The following USP24 variants were observed in gnomAD, a reference collection of about 807,000 sequenced individuals.
The protein encoded by USP24 is ubiquitin carboxyl-terminal hydrolase 24.
A neutral mutation model predicts 361.6 loss-of-function variants in USP24; 97 were observed. That is an observed-to-expected ratio of 0.27 (90% CI 0.23 to 0.32). The LOEUF (loss-of-function observed/expected upper bound fraction) is 0.32, where lower values mean the gene tolerates loss of function less well. Among genes scored for constraint, USP24 ranks in the 10% least tolerant of loss-of-function variants. USP24 has a pLI of 1.00. For synonymous variants in USP24, 1,098 were observed against 1,124.6 expected (o/e 0.98, Z 0.47); for missense variants, 2,353 against 3,165.6 (o/e 0.74, Z 6.16).
At chr1:55,073,629 A>G (rs1644964090) in intron 64 of USP24, among the ~76,000 whole-genome samples, 199 bp downstream of exon 64, 1 of 152,190 alleles carries the variant, frequency 6.6e-6, no homozygotes, top group Admixed American at 6.5e-5. Context: ...GGGATTCTAT[A>G]AAGATCTGTC....
In USP24 at chr1:55,081,311, G is replaced by T. The variant is rs767838183; in HGVS notation, c.7078+11C>A. ...TCAGTATCTCTTCATTCTAAGATAT[G>T]TTAAGCTTACCAACATTCCTTTGGG... On this transcript the variant is annotated intron_variant, in intron 59 of 67. Coordinates refer to ENST00000294383, the MANE Select transcript of USP24 (RefSeq NM_015306.3). 2 of 1,611,870 alleles carry T rather than the reference G, an allele frequency of 1.2e-6. No homozygotes were observed. The highest frequency in any genetic ancestry group is 1.1e-5 in the South Asian group (1 of 90,988).
At chr1:55,183,925 A>C (rs1439628793) in intron 1 of USP24, among the ~76,000 whole-genome samples, 1 of 152,226 alleles carries the variant, frequency 6.6e-6, no homozygotes, top group Non-Finnish European at 1.5e-5. Flanking sequence ...CAGGAAGATA[A>C]AATGATGAAA....
intron 56 of USP24, among the ~76,000 whole-genome samples, chr1:55,085,009 A>G (rs888904150): frequency 1.3e-5 from 2 of 152,194 alleles, no homozygotes; most frequent in Non-Finnish European, 2.9e-5. Flanking sequence ...AAACTTCCAC[A>G]GGGAATGGAG....
chr1:55,134,995 T>C (rs1234627452), intron 28 of USP24, among the ~76,000 whole-genome samples: 3 of 152,178 alleles, frequency 2.0e-5, no homozygotes, highest in Admixed American at 6.5e-5. Flanking sequence ...ACAACGTATT[T>C]ACAAGTGGGA....
At chr1:55,158,173 G>A (rs1647888969) in intron 10 of USP24, among the ~76,000 whole-genome samples, 1 of 152,218 alleles carries the variant, frequency 6.6e-6, no homozygotes, top group African/African-American at 2.4e-5. Context: ...TCCTGACAGT[G>A]GTCAGCTTGC....
chr1:55,182,208 C>A (rs991740990), intron 1 of USP24, among the ~76,000 whole-genome samples: 1 of 152,112 alleles, frequency 6.6e-6, no homozygotes, highest in Admixed American at 6.5e-5. Flanking sequence ...TGTGCCACCA[C>A]GCCCGGCTAA....
chr1:55,170,103 T>A (rs1046031172), intron 5 of USP24, among the ~76,000 whole-genome samples: 1 of 152,178 alleles, frequency 6.6e-6, no homozygotes, highest in East Asian at 1.9e-4. Flanking sequence ...TACAGAGGGA[T>A]ATGATATTAA....
At chr1:55,071,122 TA>T (rs536274762) in intron 67 of USP24, 60 of 974,300 alleles carry the variant, frequency 6.2e-5, no homozygotes, top group Middle Eastern at 5.3e-4. Flanking sequence ...AGATAACACT[TA>T]AAAAAAAATG....
At chr1:55,116,373 C>T (rs1646116211) in intron 38 of USP24, among the ~76,000 whole-genome samples, 1 of 149,492 alleles carries the variant, frequency 6.7e-6, no homozygotes, top group South Asian at 2.1e-4. Context: ...TCAATGAAAC[C>T]AAAAGTTGCC....
chr1:55,124,652 G>A (rs762163010), intron 34 of USP24, 24 bp from the exon 35 acceptor site: 4 of 1,612,236 alleles, frequency 2.5e-6, no homozygotes, highest in East Asian at 2.2e-5. Flanking sequence ...CAAGTATTAT[G>A]AGAAAGAGCA....
chr1:55,181,357 GAACT>G (rs1231159309), intron 1 of USP24, among the ~76,000 whole-genome samples: 4 of 152,166 alleles, frequency 2.6e-5, no homozygotes, highest in Non-Finnish European at 5.9e-5. Flanking sequence ...AGGGGGTGAT[GAACT>G]AAGTACGCTT....
chr1:55,096,465 AC>A, intron 50 of USP24, 32 bp downstream of exon 50: 1 of 1,472,600 alleles, frequency 6.8e-7, no homozygotes, highest in East Asian at 2.4e-5. Flanking sequence ...AAATAAAAAA[AC>A]TAATGGAAAA....
rs766138009 is a variant in USP24, at chr1:55,101,682, T to G, written c.5047A>C (p.Arg1683=). 6.2e-6 allele frequency: 10 copies of G among 1,610,472 alleles called. No individual in the cohort carries two copies. In the South Asian group the frequency reaches 1.1e-4, roughly 18 times the overall value. ...EFDYLPPVDS[R]SSSGFVGLRN... is the part of the protein sequence containing the mutation. Reference sequence around the variant, plus strand: ...AGCCCCACAAACCCTGAACTGGACCTGCTATCCACTGGGGGAAGGTACTGG... The same window carrying G: ...AGCCCCACAAACCCTGAACTGGACCGGCTATCCACTGGGGGAAGGTACTGG... Residue 1683 remains arginine, a synonymous_variant, in exon 43 of 68, where the codon AGG becomes CGG. Transcript: ENST00000294383.
In USP24 at chr1:55,148,507, T is replaced by C. The variant is rs1437004974; in HGVS notation, c.1924A>G (p.Ile642Val). 5.6e-6 allele frequency: 9 copies of C among 1,596,274 alleles called. No homozygotes were observed. The South Asian group carries it at 9.1e-5, about 16-fold the overall frequency. The change falls in exon 17 of 68, where the codon ATT becomes GTT. Residue 642 changes from isoleucine (I) to valine (V), a missense_variant. Ile to Val is a conservative substitution (Grantham distance 29). Around this residue, in one of 8 missense-constraint regions of USP24, gnomAD observed 386 missense variants for 560.5 expected, o/e 0.69. Transcript: ENST00000294383. ...GTTTGTTTTATGAATGAGCGAGTAA[T>C]TTCATGGAGCTGACGCAAAGCTGGT... ...VVPALRQLHE[I>V]TRSFIKQTYQ... is the part of the protein sequence containing the mutation.
chr1:55,168,539 G>GT (rs1161826820), intron 5 of USP24, among the ~76,000 whole-genome samples: 6 of 152,132 alleles, frequency 3.9e-5, no homozygotes, highest in East Asian at 1.9e-4. Flanking sequence ...CCTGGTGACC[G>GT]TAAGTGTCCA....
chr1:55,138,964 G>C lies in USP24; in HGVS notation c.2797C>G (p.Arg933Gly), dbSNP rs373473746. 1.9e-6 allele frequency: 3 copies of C among 1,612,620 alleles called. No individual in the cohort carries two copies. The highest frequency in any genetic ancestry group is 2.5e-6 in the Non-Finnish European group (3 of 1,179,344). ...CTTACCTCTATAGTGATCACATAGC[G>C]CTCTGCCAGAAGCAGCAATCTCTCA... ...IIERLLLLAERYVITIEDFYS... is the reference protein window; with the variant it reads ...IIERLLLLAEGYVITIEDFYS... The change falls in exon 25 of 68, where the codon CGC becomes GGC. Residue 933 changes from arginine to glycine, a missense_variant. This residue lies in a region of USP24 where 949 missense variants were observed against 1,280.5 expected (regional missense o/e 0.74). Coordinates refer to ENST00000294383, the MANE Select transcript of USP24 (RefSeq NM_015306.3).
At chr1:55,168,968 T>C (rs1181222277) in intron 5 of USP24, among the ~76,000 whole-genome samples, 1 of 152,056 alleles carries the variant, frequency 6.6e-6, no homozygotes. Context: ...CAAATAAGTA[T>C]ACATATATTT....
intron 1 of USP24, among the ~76,000 whole-genome samples, chr1:55,182,282 C>T (rs369638383): frequency 2.6e-5 from 4 of 152,186 alleles, no homozygotes; most frequent in African/African-American, 9.7e-5. Context: ...GATCTCTTGA[C>T]CTCATCGTGA....
intron 1 of USP24, among the ~76,000 whole-genome samples, chr1:55,196,050 A>G (rs557219501): frequency 2.0e-5 from 3 of 152,268 alleles, no homozygotes; most frequent in Admixed American, 6.5e-5. Flanking sequence ...GTAAATGTCT[A>G]CCTTCTTCAC....
Sources: gnomAD v4.1 joint callset for allele counts (sites outside exome capture counted in the v4.1 genomes callset) on GRCh38, gnomAD v4.1.1 for gene constraint, gnomAD v4.1.1 regional missense constraint, MANE v1.5 for transcripts, NCBI Gene and HGNC (gene_info 2026-07-23, HGNC 2026-07-21) for gene names.